Variants in CLVS1 observed in about 807,000 individuals in gnomAD.
CLVS1 encodes the protein clavesin 1, also known as clavesin-1.
A neutral mutation model predicts 33.1 loss-of-function variants in CLVS1; 10 were observed. The ratio of observed to expected loss-of-function variants is 0.30; its 90% CI spans 0.19 to 0.51. The LOEUF is 0.51. Ranked by LOEUF, CLVS1 falls within the 20% of genes least tolerant of loss-of-function variation. The pLI, the probability that CLVS1 is intolerant of heterozygous loss-of-function variation, is 0.97. For synonymous variants in CLVS1, 163 were observed against 166.1 expected, an observed-to-expected ratio of 0.98 and a Z score of 0.14; for missense variants, 343 against 433.4, an observed-to-expected ratio of 0.79 and a Z score of 1.85.
chr8:61,201,637 G>A (rs139061842), intron 2 of CLVS1, among the ~76,000 whole-genome samples: 1 of 152,262 alleles, frequency 6.6e-6, no homozygotes, highest in East Asian at 1.9e-4. Context: ...ATGGGCCAAA[G>A]AGTTCATGTT....
intron 3 of CLVS1, among the ~76,000 whole-genome samples, chr8:61,417,014 T>C (rs1440601606): frequency 6.6e-6 from 1 of 152,096 alleles, no homozygotes; most frequent in East Asian, 1.9e-4. Flanking sequence ...AGGGAGGTAA[T>C]TGACAGCAGT....
At chr8:61,024,992 T>A in the CLVS1 span, among the ~76,000 whole-genome samples, 1 of 151,818 alleles carries the variant, frequency 6.6e-6, no homozygotes, top group Non-Finnish European at 1.5e-5. Flanking sequence ...GGATTAGAGG[T>A]ATGTGCCACC....
intron 3 of CLVS1, among the ~76,000 whole-genome samples, chr8:61,421,455 C>T (rs913182164): frequency 6.6e-6 from 1 of 152,242 alleles, no homozygotes; most frequent in African/African-American, 2.4e-5. Context: ...CCATCCTCCA[C>T]CTACAGGGTA....
upstream of CLVS1, among the ~76,000 whole-genome samples, chr8:61,283,434 C>T (rs1029639483): frequency 6.6e-6 from 1 of 152,164 alleles, no homozygotes; most frequent in African/African-American, 2.4e-5. Flanking sequence ...TGAGTTTGTA[C>T]TTCCTCTTGA....
intron 2 of CLVS1, among the ~76,000 whole-genome samples, chr8:61,268,663 T>C (rs1295072394): frequency 4.4e-5 from 6 of 134,928 alleles, no homozygotes; most frequent in Non-Finnish European, 7.9e-5. Context: ...TTTCTCCACA[T>C]CCTCTCCAGC....
At chr8:61,204,916 T>G (rs1014865780) in intron 2 of CLVS1, among the ~76,000 whole-genome samples, 1 of 152,238 alleles carries the variant, frequency 6.6e-6, no homozygotes, top group Non-Finnish European at 1.5e-5. Context: ...AGGATGTATG[T>G]GTTTCAAAAT....
chr8:61,192,161 A>C (rs1288067037), intron 2 of CLVS1, among the ~76,000 whole-genome samples: 1 of 152,342 alleles, frequency 6.6e-6, no homozygotes, highest in East Asian at 1.9e-4. Context: ...ACAGCATGGT[A>C]CTGGTACCAA....
intron 2 of CLVS1, among the ~76,000 whole-genome samples, chr8:61,362,011 G>A (rs1379624963): frequency 6.6e-6 from 1 of 152,202 alleles, no homozygotes; most frequent in Non-Finnish European, 1.5e-5. Context: ...CAAGGACAGA[G>A]TGAGGAAAAA....
chr8:61,209,045 A>G (rs912417208), intron 2 of CLVS1, among the ~76,000 whole-genome samples: 1 of 152,240 alleles, frequency 6.6e-6, no homozygotes, highest in African/African-American at 2.4e-5. Context: ...CTCACACTGG[A>G]AAGTAAGTCC....
intron 5 of CLVS1, among the ~76,000 whole-genome samples, chr8:61,470,760 G>T (rs1254707783): frequency 5.9e-5 from 9 of 152,338 alleles, no homozygotes; most frequent in Non-Finnish European, 1.2e-4. Flanking sequence ...TGTGCAGCTT[G>T]CATACCATGG....
intron 1 of CLVS1, among the ~76,000 whole-genome samples, chr8:61,083,596 C>T (rs1189636863): frequency 1.3e-5 from 2 of 151,836 alleles, no homozygotes; most frequent in African/African-American, 2.4e-5. Flanking sequence ...AGTGCAGTAC[C>T]GAAAACATTT....
chr8:61,499,208 CCTCT>C (rs1804439641), intron 5 of CLVS1, among the ~76,000 whole-genome samples: 1 of 152,072 alleles, frequency 6.6e-6, no homozygotes, highest in Non-Finnish European at 1.5e-5. Flanking sequence ...ACAGGGTCTA[CCTCT>C]GTCACCCAGG....
At chr8:61,068,595 A>T (rs1804730048) in intron 1 of CLVS1, among the ~76,000 whole-genome samples, 1 of 152,084 alleles carries the variant, frequency 6.6e-6, no homozygotes, top group African/African-American at 2.4e-5. Context: ...TTCTCAGCAG[A>T]TACCCTCATC....
At chr8:61,198,404 G>C (rs1377261380) in intron 2 of CLVS1, among the ~76,000 whole-genome samples, 2 of 152,008 alleles carry the variant, frequency 1.3e-5, no homozygotes, top group African/African-American at 4.8e-5. Flanking sequence ...TTTTGAGAGG[G>C]AGTCTCACTC....
chr8:61,091,120 G>A lies in CLVS1; in HGVS notation c.-243+33890G>A, dbSNP rs549087658. 7.2e-5 allele frequency among the ~76,000 whole-genome samples: 11 copies of A among 152,284 alleles called. No individual in the cohort carries two copies. In the South Asian group the frequency reaches 2.3e-3, roughly 32 times the overall value. Reference sequence around the variant, plus strand: ...GAGATTAGCCTGGGTTATCGAGGTGGGCCTGAGGTAATCACAATGGTCCTT... The same window carrying A: ...GAGATTAGCCTGGGTTATCGAGGTGAGCCTGAGGTAATCACAATGGTCCTT... On this transcript the variant is annotated intron_variant, in intron 1 of 2. Transcript: ENST00000522621.
Position 61,288,002 on chromosome 8 carries a change from C to A in CLVS1, c.-288C>A, listed in dbSNP as rs1325282463. ...ACCAAAATCACAGCCCCTTGTGGAGCCCGAGCTCTCATTCACAGCTTTCTA... is the reference window on the plus strand; with the variant it reads ...ACCAAAATCACAGCCCCTTGTGGAGACCGAGCTCTCATTCACAGCTTTCTA... On this transcript the variant is annotated 5_prime_UTR_variant, in exon 1 of 6. Coordinates refer to ENST00000325897, the MANE Select transcript of CLVS1 (RefSeq NM_173519.3). 8 of 418,852 alleles carry A rather than the reference C, an allele frequency of 1.9e-5. No homozygotes were observed. The highest frequency in any genetic ancestry group is 3.8e-5 in the Non-Finnish European group (8 of 208,208). The allele number at this position is 418,852 out of a possible 1,614,324, so 25.9% of individuals were successfully genotyped here.
intron 2 of CLVS1, among the ~76,000 whole-genome samples, chr8:61,156,306 C>A (rs948076359): frequency 2.6e-5 from 4 of 151,820 alleles, no homozygotes; most frequent in Non-Finnish European, 5.9e-5. Flanking sequence ...GCTCTATGCC[C>A]CTATTCATTC....
At chr8:61,295,544 T>C (rs900168132) in intron 1 of CLVS1, among the ~76,000 whole-genome samples, 2 of 152,166 alleles carry the variant, frequency 1.3e-5, no homozygotes, top group African/African-American at 2.4e-5. Context: ...TCCACTGGTA[T>C]ATTTAGGCTC....
At chr8:61,429,868 C>T (rs916848129) in intron 3 of CLVS1, among the ~76,000 whole-genome samples, 2 of 152,122 alleles carry the variant, frequency 1.3e-5, no homozygotes, top group Non-Finnish European at 1.5e-5. Flanking sequence ...TAAATTTTCT[C>T]AAGTCAAAAA....
Sources: allele counts gnomAD v4.1 joint callset (sites outside exome capture counted in the v4.1 genomes callset), GRCh38; gene constraint gnomAD v4.1.1; transcripts MANE v1.5; gene names NCBI Gene and HGNC (gene_info 2026-07-23, HGNC 2026-07-21).